MON2: variants seen among roughly 807,000 people sequenced by gnomAD.
MON2 encodes MON2 regulator of endosome-to-Golgi trafficking, also known as protein MON2 homolog.
Under a neutral mutation model 208.6 loss-of-function variants are expected in MON2, and 84 were observed. That is an observed-to-expected ratio of 0.40 (90% CI 0.34 to 0.48). The LOEUF is 0.48. MON2 is among the 20% of genes least tolerant of loss of function. The pLI is 0.59. For missense variants in MON2, 1,611 were observed against 2,015.4 expected, an observed-to-expected ratio of 0.80 and a Z score of 3.84; for synonymous variants, 660 against 694.0, an observed-to-expected ratio of 0.95 and a Z score of 0.77.
chr12:62,528,761 T>C (rs2072467606), intron 11 of MON2, among the ~76,000 whole-genome samples: 1 of 152,202 alleles, frequency 6.6e-6, no homozygotes, highest in African/African-American at 2.4e-5. Context: ...CACTGATTTA[T>C]TTACGATGTG....
At chr12:62,471,023 A>T (rs994600284) in intron 1 of MON2, among the ~76,000 whole-genome samples, 8 of 152,194 alleles carry the variant, frequency 5.3e-5, no homozygotes, top group African/African-American at 1.9e-4. Context: ...GTAGTGAAAG[A>T]GCGTATAGAT....
chr12:62,496,155 A>G (rs1379055860), intron 4 of MON2, among the ~76,000 whole-genome samples: 1 of 152,058 alleles, frequency 6.6e-6, no homozygotes, highest in Non-Finnish European at 1.5e-5. Flanking sequence ...ATGAGATTTT[A>G]ACTGCAAATA....
At chr12:62,546,176 T>G (rs1217809815) in intron 21 of MON2, among the ~76,000 whole-genome samples, 1 of 152,116 alleles carries the variant, frequency 6.6e-6, no homozygotes, top group African/African-American at 2.4e-5. Flanking sequence ...CACTTGAGAA[T>G]TTTACATTTA....
At chr12:62,495,713 AAAGAT>A (rs2070439794) in intron 4 of MON2, among the ~76,000 whole-genome samples, 1 of 142,372 alleles carries the variant, frequency 7.0e-6, no homozygotes, top group Non-Finnish European at 1.5e-5. Flanking sequence ...AAAAAAAAAA[AAAGAT>A]ACTGCCTTGA....
At chr12:62,488,247 A>G (rs2069909300) in intron 2 of MON2, among the ~76,000 whole-genome samples, 1 of 152,180 alleles carries the variant, frequency 6.6e-6, no homozygotes, top group African/African-American at 2.4e-5. Context: ...CTAAGGTAGA[A>G]GTATAGAGAG....
At chr12:62,538,742 C>G (rs536755898) in intron 19 of MON2, among the ~76,000 whole-genome samples, 6 of 152,068 alleles carry the variant, frequency 3.9e-5, no homozygotes, top group African/African-American at 1.4e-4. Flanking sequence ...CTCTTATATA[C>G]TGAACATTTT....
intron 14 of MON2, 76 bp downstream of exon 14, chr12:62,535,785 G>A (rs2072937762): frequency 8.6e-7 from 1 of 1,157,586 alleles, no homozygotes; most frequent in African/African-American, 1.6e-5. Flanking sequence ...AAACATCTGA[G>A]TTTAAGTCTC....
Position 62,546,980 on chromosome 12 carries a change from C to T in MON2, c.2661C>T (p.Cys887=), listed in dbSNP as rs145857077. The T allele has an allele frequency of 3.4e-4, 544 of 1,612,806 alleles. 1 individual carries two copies. Among genetic ancestry groups the T allele is most frequent in the African/African-American group, 2.7e-3 (200 of 74,930 alleles). The change falls in exon 22 of 35, where the codon TGC becomes TGT. Residue 887 remains cysteine, a synonymous_variant. Transcript: ENST00000393630. ...ATATTCGACTCAAGCAGTTAGAATG[C>T]GTGTTGCAGATTCTGCAGAGTCAGG... ...HPDIRLKQLE[C]VLQILQSQGD...
intron 3 of MON2, among the ~76,000 whole-genome samples, chr12:62,494,403 T>C (rs1348190238): frequency 1.3e-5 from 2 of 152,204 alleles, no homozygotes; most frequent in African/African-American, 4.8e-5. Flanking sequence ...TTTCATTAAC[T>C]TAAACGTATT....
At chr12:62,587,849 G>A in intron 33 of MON2, 1 of 336,398 alleles carries the variant, frequency 3.0e-6, no homozygotes, top group South Asian at 7.2e-5. Flanking sequence ...TTTATTAATT[G>A]ATAAGTCATG....
At chr12:62,494,107 A>C (rs1455495699) in intron 3 of MON2, 65 bp downstream of exon 3, 113 of 1,387,230 alleles carry the variant, frequency 8.1e-5, no homozygotes, top group Non-Finnish European at 1.1e-4. Flanking sequence ...TGAAAGGAGA[A>C]TGAAACATAC....
At position 62,524,995 on chromosome 12, in the gene MON2, C is replaced by G; in HGVS notation, c.1110-89C>G. ...AATGTTTTAGTATAGTTTGGTAACTCTTATAGTAATATCACTTGCTATAAA... is the reference window on the plus strand; with the variant it reads ...AATGTTTTAGTATAGTTTGGTAACTGTTATAGTAATATCACTTGCTATAAA... On this transcript the variant is annotated intron_variant, in intron 9 of 34. Transcript: ENST00000393630. 4 of 1,125,354 alleles carry G rather than the reference C, an allele frequency of 3.6e-6. No homozygotes were observed. In the Admixed American group the frequency reaches 9.7e-5, roughly 27 times the overall value. The allele number at this position is 1,125,354 out of a possible 1,614,324, so 69.7% of individuals were successfully genotyped here.
intron 8 of MON2, among the ~76,000 whole-genome samples, chr12:62,510,175 A>C (rs1343340601): frequency 2.0e-5 from 3 of 152,194 alleles, no homozygotes; most frequent in Non-Finnish European, 4.4e-5. Flanking sequence ...AAAACCTTCC[A>C]ACAAAGAAAA....
rs551930411 is a variant in MON2 at position 62,553,778 on chromosome 12, A to G, written c.3210+604A>G. 2.6e-5 allele frequency among the ~76,000 whole-genome samples: 4 copies of G among 152,262 alleles called. No homozygotes were observed. In the South Asian group the frequency reaches 8.3e-4, roughly 32 times the overall value. Reference sequence around the variant, plus strand: ...TATTAGTGATCATTCCCTCTTTGCTAAAAGTCTCATCTTTTTTGTTCCATC... The same window carrying G: ...TATTAGTGATCATTCCCTCTTTGCTGAAAGTCTCATCTTTTTTGTTCCATC... On this transcript the variant is annotated intron_variant, in intron 24 of 34. Transcript: ENST00000393630.
At position 62,593,003 on chromosome 12, in the gene MON2, A is replaced by C. The variant is rs1453904903; in HGVS notation, c.*254A>C. Reference sequence around the variant, plus strand: ...AGGGATAATTAACACTACAGTATACATGCTACCATATCTCCAGTTGGTGAT... The same window carrying C: ...AGGGATAATTAACACTACAGTATACCTGCTACCATATCTCCAGTTGGTGAT... On this transcript the variant is annotated 3_prime_UTR_variant, in exon 35 of 35. Transcript: ENST00000393630. 4 of 297,996 alleles carry C rather than the reference A, an allele frequency of 1.3e-5. No individual in the cohort carries two copies. The East Asian group carries it at 2.1e-4, about 15-fold the overall frequency. The allele number at this position is 297,996 out of a possible 1,614,324, so 18.5% of individuals were successfully genotyped here. A position where few individuals can be genotyped will look rare whatever the true frequency, so the allele number is the denominator to read the frequency against.
intron 11 of MON2, among the ~76,000 whole-genome samples, chr12:62,530,230 T>TC: frequency 6.8e-6 from 1 of 147,132 alleles, no homozygotes; most frequent in Non-Finnish European, 1.5e-5. Flanking sequence ...CAGTATAATT[T>TC]TTTTTTTTTT....
chr12:62,557,621 G>A (rs2074017727), intron 25 of MON2, among the ~76,000 whole-genome samples: 2 of 151,982 alleles, frequency 1.3e-5, no homozygotes, highest in South Asian at 4.2e-4. Flanking sequence ...ATTATTTCGT[G>A]TTTGGCATTT....
intron 8 of MON2, among the ~76,000 whole-genome samples, chr12:62,520,126 C>T (rs2071940363): frequency 6.6e-6 from 1 of 152,212 alleles, no homozygotes; most frequent in East Asian, 1.9e-4. Context: ...CACTTTCTTA[C>T]AGGTCTAGGA....
Position 62,508,295 on chromosome 12 carries a change from T to A in MON2, c.799T>A (p.Phe267Ile). The A allele has an allele frequency of 1.2e-6, 2 of 1,610,904 alleles. No homozygotes were observed. The highest frequency in any genetic ancestry group is 8.5e-7 in the Non-Finnish European group (1 of 1,178,464). ...FPQVFLQHQE[F>I]SFLLKERVCP... ...TTTTCCTTGCAAATAGCACCAAGAA[T>A]TTAGTTTCCTCCTCAAAGAAAGGGT... Residue 267 changes from phenylalanine (F) to isoleucine (I), a missense_variant, in exon 8 of 35, where the codon TTT becomes ATT. Physicochemically the swap from Phe to Ile is conservative, Grantham distance 21. Coordinates refer to ENST00000393630, the MANE Select transcript of MON2 (RefSeq NM_015026.3).
Sources: gnomAD v4.1 joint callset for allele counts (sites outside exome capture counted in the v4.1 genomes callset) on GRCh38, gnomAD v4.1.1 for gene constraint, MANE v1.5 for transcripts, NCBI Gene and HGNC (gene_info 2026-07-23, HGNC 2026-07-21) for gene names.